Variants in ABCC11 observed in about 807,000 individuals in gnomAD.
ABCC11 encodes ATP-binding cassette sub-family C member 11.
A neutral mutation model predicts 149.3 loss-of-function variants in ABCC11; 135 were observed. That is an observed-to-expected ratio of 0.90 (90% confidence interval 0.79 to 1.04). The LOEUF is 1.04. ABCC11 is among the 50% of genes least tolerant of loss of function. The pLI is 0.00. For synonymous variants in ABCC11, 665 were observed against 671.4 expected (o/e 0.99, Z 0.15); for missense variants, 1,680 against 1,722.1 (o/e 0.98, Z 0.43).
intron 25 of ABCC11, 57 bp from the exon 26 acceptor site, chr16:48,175,474 ACAGATCGCAC>A: frequency 3.9e-6 from 6 of 1,555,246 alleles, no homozygotes; most frequent in Non-Finnish European, 5.2e-6. Context: ...TAGCGGAAGC[ACAGATCGCAC>A]CTGGCGATCA....
At chr16:48,243,264 G>T (rs1486714259) in intron 1 of ABCC11, among the ~76,000 whole-genome samples, 1 of 151,884 alleles carries the variant, frequency 6.6e-6, no homozygotes, top group Non-Finnish European at 1.5e-5. Flanking sequence ...AGCCGGGCGT[G>T]GTTGCGGGTG....
chr16:48,179,260 C>G (rs1410779559), intron 23 of ABCC11, among the ~76,000 whole-genome samples: 2 of 152,188 alleles, frequency 1.3e-5, no homozygotes, highest in Non-Finnish European at 2.9e-5. Context: ...GAGCACTTCC[C>G]AAATAAGCTG....
chr16:48,173,628 G>A (rs1965853236), intron 26 of ABCC11, among the ~76,000 whole-genome samples: 1 of 152,112 alleles, frequency 6.6e-6, no homozygotes, highest in Non-Finnish European at 1.5e-5. Context: ...TTTGTGTGGG[G>A]GCGGGGAAGG....
intron 1 of ABCC11, among the ~76,000 whole-genome samples, chr16:48,241,369 T>A (rs562827046): frequency 6.6e-6 from 1 of 152,244 alleles, no homozygotes; most frequent in African/African-American, 2.4e-5. Flanking sequence ...TATCAAGGTT[T>A]TCCCACTGCT....
chr16:48,237,950 C>T (rs1022053208), intron 1 of ABCC11, among the ~76,000 whole-genome samples: 1 of 152,190 alleles, frequency 6.6e-6, no homozygotes, highest in Non-Finnish European at 1.5e-5. Flanking sequence ...AGGCTTATTA[C>T]TATCCAGAAA....
rs771028937 is a variant in ABCC11 at position 48,196,289 on chromosome 16, TCTC to T, written c.2344_2346del (p.Glu782del). ...CTCCAACTCAAGGAGCCTTCTTCCA[TCTC>T]CTCCTCCTGTGTGAGCTGATGCTCC... On this transcript the variant is annotated inframe_deletion, in exon 18 of 30. Coordinates refer to ENST00000356608, the MANE Select transcript of ABCC11 (RefSeq NM_001370497.1). 4 of 1,614,028 alleles carry T rather than the reference TCTC, an allele frequency of 2.5e-6. No individual in the cohort carries two copies. The highest frequency in any genetic ancestry group is 2.7e-5 in the African/African-American group (2 of 75,016).
intron 15 of ABCC11, among the ~76,000 whole-genome samples, chr16:48,198,896 G>A (rs979524630): frequency 6.6e-6 from 1 of 152,002 alleles, no homozygotes; most frequent in Non-Finnish European, 1.5e-5. Context: ...AATCAGCCAG[G>A]TGTGGTGGCG....
At chr16:48,230,886 C>T (rs1970380578) in intron 2 of ABCC11, among the ~76,000 whole-genome samples, 1 of 152,132 alleles carries the variant, frequency 6.6e-6, no homozygotes, top group Non-Finnish European at 1.5e-5. Flanking sequence ...GACCAAGTCA[C>T]TCTTTGAGGG....
At chr16:48,216,383 G>A (rs1188527308) in intron 6 of ABCC11, 96 bp from the exon 7 acceptor site, 45 of 1,255,864 alleles carry the variant, frequency 3.6e-5, no homozygotes, top group Non-Finnish European at 4.5e-5. Context: ...TAGCAGGAAG[G>A]CTTGAAAGGA....
intron 13 of ABCC11, among the ~76,000 whole-genome samples, chr16:48,203,502 G>A (rs976235553): frequency 6.6e-5 from 10 of 151,886 alleles, no homozygotes; most frequent in Non-Finnish European, 1.5e-4. Context: ...GTAAATATTT[G>A]ACCAGAATAA....
chr16:48,169,995 A>G, intron 28 of ABCC11, 110 bp downstream of exon 28: 4 of 723,556 alleles, frequency 5.5e-6, no homozygotes, highest in Non-Finnish European at 9.5e-6. Context: ...TAAGACGTAC[A>G]CCACAGAGCC....
At chr16:48,210,852 T>C (rs770446166) in intron 11 of ABCC11, 96 bp downstream of exon 11, 12 of 1,512,142 alleles carry the variant, frequency 7.9e-6, no homozygotes, top group Middle Eastern at 2.1e-4. Context: ...AGGGCAGTTT[T>C]TAACCAAGGA....
chr16:48,234,619 A>G (rs574977888), intron 1 of ABCC11, among the ~76,000 whole-genome samples: 3 of 152,148 alleles, frequency 2.0e-5, no homozygotes, highest in Non-Finnish European at 4.4e-5. Context: ...TCCCTGTGGT[A>G]TAGATGGGAA....
At chr16:48,228,224 TCAATAAG>T (rs1970206011) in intron 3 of ABCC11, among the ~76,000 whole-genome samples, 1 of 151,526 alleles carries the variant, frequency 6.6e-6, no homozygotes. Flanking sequence ...TTTTTTTTTT[TCAATAAG>T]GTTTGTTTAT....
chr16:48,186,853 T>C (rs541590319), intron 22 of ABCC11, 100 bp downstream of exon 22: 1 of 1,438,794 alleles, frequency 7.0e-7, no homozygotes, highest in African/African-American at 1.4e-5. Flanking sequence ...TGCTCTCTGA[T>C]GCTTTTGAAG....
At chr16:48,212,131 G>C (rs1454826351) in intron 10 of ABCC11, among the ~76,000 whole-genome samples, 2 of 152,172 alleles carry the variant, frequency 1.3e-5, no homozygotes, top group Non-Finnish European at 2.9e-5. Flanking sequence ...GAGAAGTCAG[G>C]GAAGCGCACT....
chr16:48,212,027 A>G (rs1371361900), intron 10 of ABCC11, among the ~76,000 whole-genome samples: 2 of 152,192 alleles, frequency 1.3e-5, no homozygotes, highest in Non-Finnish European at 2.9e-5. Flanking sequence ...TGCCCCCTCC[A>G]CAGGTGAAAA....
intron 1 of ABCC11, among the ~76,000 whole-genome samples, chr16:48,243,912 A>T (rs1335647659): frequency 6.6e-6 from 1 of 152,058 alleles, no homozygotes; most frequent in African/African-American, 2.4e-5. Context: ...GAATCGCTTG[A>T]ACCCGGGAGG....
chr16:48,195,240 T>A (rs1168370920), intron 18 of ABCC11, among the ~76,000 whole-genome samples: 1 of 152,352 alleles, frequency 6.6e-6, no homozygotes, highest in African/African-American at 2.4e-5. Context: ...GATGACTTTA[T>A]ACCCCTCCCC....
Sources: gnomAD v4.1 joint callset for allele counts (sites outside exome capture counted in the v4.1 genomes callset) on GRCh38, gnomAD v4.1.1 for gene constraint, MANE v1.5 for transcripts, NCBI Gene and HGNC (gene_info 2026-07-23, HGNC 2026-07-21) for gene names.